The following CBFA2T3 variants were observed in gnomAD, a reference collection of about 807,000 sequenced individuals.
The protein encoded by CBFA2T3 is transcriptional corepressor CBFA2T3.
In CBFA2T3, 31 loss-of-function variants were observed where a neutral mutation model predicts 58.6. The ratio of observed to expected loss-of-function variants is 0.53; its 90% CI spans 0.40 to 0.71. The LOEUF (loss-of-function observed/expected upper bound fraction) is 0.71. CBFA2T3 is among the 30% of genes least tolerant of loss of function. CBFA2T3 has a pLI of 0.00. For synonymous variants in CBFA2T3, 531 were observed against 421.9 expected (o/e 1.26, Z -3.17); for missense variants, 1,076 against 963.1 (o/e 1.12, Z -1.55).
At chr16:88,934,424 C>A (rs1037199121) in intron 1 of CBFA2T3, among the ~76,000 whole-genome samples, 1 of 152,236 alleles carries the variant, frequency 6.6e-6, no homozygotes, top group African/African-American at 2.4e-5. Context: ...GCAGCTCGGC[C>A]GCAGAGGCAC....
At chr16:88,960,487 T>C (rs1597792309) in intron 1 of CBFA2T3, among the ~76,000 whole-genome samples, 1 of 152,216 alleles carries the variant, frequency 6.6e-6, no homozygotes, top group African/African-American at 2.4e-5. Context: ...AACGAATCCA[T>C]TTGTCATGGG....
At chr16:88,920,937 C>T (rs887895482) in intron 1 of CBFA2T3, among the ~76,000 whole-genome samples, 3 of 152,246 alleles carry the variant, frequency 2.0e-5, no homozygotes, top group Non-Finnish European at 2.9e-5. Flanking sequence ...TGGAGAGCAG[C>T]GGGACGGGTG....
At chr16:88,902,674 A>C (rs1970145975) in intron 1 of CBFA2T3, among the ~76,000 whole-genome samples, 1 of 152,196 alleles carries the variant, frequency 6.6e-6, no homozygotes, top group African/African-American at 2.4e-5. Context: ...TGCGGGTGTA[A>C]GCCCCAGGGC....
intron 5 of CBFA2T3, among the ~76,000 whole-genome samples, chr16:88,890,702 CTTCATTCATTCATTCA>C (rs58270745): frequency 6.6e-6 from 1 of 151,258 alleles, no homozygotes; most frequent in South Asian, 2.1e-4. Flanking sequence ...GAATCACTGG[CTTCATTCATTCATTCA>C]TTCATTCATT....
intron 7 of CBFA2T3, chr16:88,884,713 G>A: frequency 3.9e-6 from 1 of 258,412 alleles, no homozygotes. Flanking sequence ...GTCTGGCCCA[G>A]GTGACAGAGG....
intron 5 of CBFA2T3, chr16:88,886,609 C>G (rs773556311): frequency 6.5e-6 from 1 of 154,048 alleles, no homozygotes; most frequent in Non-Finnish European, 1.4e-5. Context: ...GGCCTACAGG[C>G]GGCTCACACG....
chr16:88,906,854 G>T (rs1307178549), intron 1 of CBFA2T3, among the ~76,000 whole-genome samples: 1 of 152,202 alleles, frequency 6.6e-6, no homozygotes, highest in Non-Finnish European at 1.5e-5. Context: ...AGCCAGCCTG[G>T]ACCCTGACTC....
In CBFA2T3 at chr16:88,892,270, C is replaced by T. The variant is rs2142584113; in HGVS notation, c.595G>A (p.Val199Met). 5.0e-6 allele frequency: 8 copies of T among 1,611,346 alleles called. No homozygotes were observed. Among genetic ancestry groups the T allele is most frequent in the Non-Finnish European group, 6.8e-6 (8 of 1,179,866 alleles). ...ACCAGGCCCAGCACCAGTGTGCGCA[C>T]GCGCTCCCCAATCTCTGGGGAGATG... ...SDISPEIGER[V>M]RTLVLGLVNS... is the part of the protein sequence containing the mutation. Residue 199 changes from valine (V) to methionine (M), a missense_variant, in exon 4 of 12, where the codon GTG (valine) becomes ATG (methionine). Transcript: ENST00000268679.
At chr16:88,938,872 C>G (rs1232418858) in intron 1 of CBFA2T3, 2 of 152,364 alleles carry the variant, frequency 1.3e-5, no homozygotes, top group East Asian at 3.9e-4. Context: ...GCTAACGGTG[C>G]AGCAGGGAAG....
intron 3 of CBFA2T3, among the ~76,000 whole-genome samples, chr16:88,895,621 G>A (rs1473311521): frequency 2.6e-5 from 4 of 152,166 alleles, no homozygotes; most frequent in Non-Finnish European, 1.5e-5. Context: ...TGGAGCGGGG[G>A]GAACAGGTGT....
At chr16:88,882,578 GTGGCTGTGTGTGCA>G (rs368767059) in intron 8 of CBFA2T3, 84 bp downstream of exon 8, 21,098 of 428,744 alleles carry the variant, frequency 0.049, 1,802 homozygotes, top group African/African-American at 0.28. Flanking sequence ...GGCTGTGGGC[GTGGCTGTGTGTGCA>G]TGGCTGTGTG....
Position 88,956,110 on chromosome 16 carries a change from G to C in CBFA2T3, c.151+20547C>G, listed in dbSNP as rs138498054. ...TCCTGCTCCCTGAGGCTTTGGGAAA[G>C]ACTCAAAGGCTTTGGGAAAGACTCC... On this transcript the variant is annotated intron_variant, in intron 1 of 11. Transcript: ENST00000268679. Among the ~76,000 whole-genome samples the C allele has an allele frequency of 7.8e-3, 1,193 of 152,354 alleles. 10 individuals carry two copies. The highest frequency in any genetic ancestry group is 0.031 in the South Asian group (152 of 4,832).
chr16:88,938,030 C>G (rs1393474095), intron 1 of CBFA2T3: 1 of 152,334 alleles, frequency 6.6e-6, no homozygotes, highest in African/African-American at 2.4e-5. Flanking sequence ...CTCCCCTGCA[C>G]AGCAGGGCAG....
At chr16:88,907,477 G>A (rs1475410426) in intron 1 of CBFA2T3, among the ~76,000 whole-genome samples, 3 of 152,230 alleles carry the variant, frequency 2.0e-5, no homozygotes, top group Admixed American at 6.5e-5. Flanking sequence ...ACGCCCGGAG[G>A]GGAGGAATCT....
At chr16:88,903,756 G>A (rs907074511) in intron 1 of CBFA2T3, among the ~76,000 whole-genome samples, 1 of 151,862 alleles carries the variant, frequency 6.6e-6, no homozygotes, top group African/African-American at 2.4e-5. Flanking sequence ...AGCGTGGGTT[G>A]GGCATGCCCA....
intron 4 of CBFA2T3, 51 bp from the exon 5 acceptor site, chr16:88,892,022 A>C: frequency 6.7e-7 from 1 of 1,499,440 alleles, no homozygotes; most frequent in Admixed American, 1.7e-5. Context: ...CATGTGAGCC[A>C]GCGCCGACCC....
rs150020261 is a variant in CBFA2T3 at position 88,934,146 on chromosome 16, C to A, written c.152-32490G>T. On this transcript the variant is annotated intron_variant, in intron 1 of 11. Transcript: ENST00000268679. ...ATGCCGAAGCTCCCTTGGGAGAGGC[C>A]GCCCCTCGGCACACGGAGGCACCGG... Among the ~76,000 whole-genome samples the A allele has an allele frequency of 1.3e-4, 18 of 133,888 alleles. No homozygotes were observed. The East Asian group carries it at 3.5e-3, about 26-fold the overall frequency. The allele number at this position is 133,888 out of a possible 152,430, so 87.8% of individuals were successfully genotyped here.
At chr16:88,922,949 A>T (rs981381164) in intron 1 of CBFA2T3, among the ~76,000 whole-genome samples, 1 of 152,314 alleles carries the variant, frequency 6.6e-6, no homozygotes, top group East Asian at 1.9e-4. Flanking sequence ...AGGCCCAGAG[A>T]GGAAGGAACT....
At chr16:88,942,491 TTG>T (rs1971776797) in intron 1 of CBFA2T3, among the ~76,000 whole-genome samples, 1 of 152,144 alleles carries the variant, frequency 6.6e-6, no homozygotes, top group African/African-American at 2.4e-5. Context: ...CATTCCAGCT[TTG>T]TGCCGCGGGC....
Sources: allele counts gnomAD v4.1 joint callset (sites outside exome capture counted in the v4.1 genomes callset), GRCh38; gene constraint gnomAD v4.1.1; transcripts MANE v1.5; gene names NCBI Gene and HGNC (gene_info 2026-07-23, HGNC 2026-07-21).